ABI3BP: variants seen among roughly 807,000 people sequenced by gnomAD.
The protein encoded by ABI3BP is target of Nesh-SH3.
ABI3BP carries 216 observed loss-of-function variants against 268.6 expected under a neutral mutation model. The ratio of observed to expected loss-of-function variants is 0.80; its 90% confidence interval spans 0.72 to 0.90. The LOEUF (loss-of-function observed/expected upper bound fraction) is 0.90. Ranked by LOEUF, ABI3BP falls within the 40% of genes least tolerant of loss-of-function variation. The pLI is 0.00. For synonymous variants in ABI3BP, 730 were observed against 730.0 expected (o/e 1.00, Z 0.00); for missense variants, 2,090 against 2,182.4 (o/e 0.96, Z 0.84).
At position 100,830,118 on chromosome 3, in the gene ABI3BP, T is replaced by C. The variant is rs1464373810; in HGVS notation, c.2459-454A>G. On this transcript the variant is annotated intron_variant, in intron 32 of 67. Transcript: ENST00000471714. Reference sequence around the variant, plus strand: ...ACATACATACATACATACATATATATATATATATATATATATATATATATA... The same window carrying C: ...ACATACATACATACATACATATATACATATATATATATATATATATATATA... 6.8e-3 allele frequency among the ~76,000 whole-genome samples: 124 copies of C among 18,358 alleles called. 1 individual carries two copies. Among genetic ancestry groups the C allele is most frequent in the Non-Finnish European group, 0.01 (89 of 8,618 alleles). The allele number at this position is 18,358 out of a possible 152,430, so 12.0% of individuals were successfully genotyped here. A position where few individuals can be genotyped will look rare whatever the true frequency, so the allele number is the denominator to read the frequency against.
intron 24 of ABI3BP, among the ~76,000 whole-genome samples, chr3:100,839,026 T>G (rs926683686): frequency 1.5e-4 from 23 of 152,144 alleles, no homozygotes; most frequent in African/African-American, 5.3e-4. Flanking sequence ...GCTGTCAAGT[T>G]CCAAAGACCA....
At chr3:100,927,282 G>A (rs1427335954) in intron 1 of ABI3BP, among the ~76,000 whole-genome samples, 1 of 152,112 alleles carries the variant, frequency 6.6e-6, no homozygotes, top group Non-Finnish European at 1.5e-5. Flanking sequence ...AAATGGTGAG[G>A]AAACACATTG....
Position 100,833,115 on chromosome 3 carries a change from G to A in ABI3BP, c.2314+10C>T. The A allele has an allele frequency of 6.5e-7, 1 of 1,533,854 alleles. No homozygotes were observed. Among genetic ancestry groups the A allele is most frequent in the Non-Finnish European group, 8.7e-7 (1 of 1,145,308 alleles). Reference sequence around the variant, plus strand: ...AAAAGGACTTGCTGAAGGACATAGAGAGTCATTACCTGAAGATGTCCCAGG... The same window carrying A: ...AAAAGGACTTGCTGAAGGACATAGAAAGTCATTACCTGAAGATGTCCCAGG... On this transcript the variant is annotated intron_variant, in intron 30 of 67. Coordinates refer to ENST00000471714, the MANE Select transcript of ABI3BP (RefSeq NM_001375547.2).
chr3:100,861,442 G>T (rs1257691720), intron 14 of ABI3BP, among the ~76,000 whole-genome samples: 2 of 152,050 alleles, frequency 1.3e-5, no homozygotes, highest in African/African-American at 4.8e-5. Flanking sequence ...TATATGATAT[G>T]TACCCCAAAT....
intron 6 of ABI3BP, among the ~76,000 whole-genome samples, chr3:100,880,127 G>T (rs537810408): frequency 6.6e-6 from 1 of 152,242 alleles, no homozygotes; most frequent in Non-Finnish European, 1.5e-5. Flanking sequence ...TTCTAGGCTT[G>T]TTATTACGAA....
At chr3:100,909,569 GAAAAA>G (rs1281128184) in intron 2 of ABI3BP, among the ~76,000 whole-genome samples, 1 of 151,956 alleles carries the variant, frequency 6.6e-6, no homozygotes, top group South Asian at 2.1e-4. Context: ...AAATTTACAA[GAAAAA>G]AAAAACAAAC....
chr3:100,880,183 C>T (rs923378547), intron 6 of ABI3BP, among the ~76,000 whole-genome samples: 1 of 152,128 alleles, frequency 6.6e-6, no homozygotes, highest in African/African-American at 2.4e-5. Flanking sequence ...CAGTGTGGGG[C>T]CTGGAAATGG....
At chr3:100,941,151 G>T (rs550130564) in intron 1 of ABI3BP, among the ~76,000 whole-genome samples, 5 of 151,770 alleles carry the variant, frequency 3.3e-5, no homozygotes, top group African/African-American at 9.7e-5. Context: ...ACTTATACAT[G>T]AACATATGTT....
At chr3:100,961,114 T>C (rs1186540587) in intron 1 of ABI3BP, among the ~76,000 whole-genome samples, 1 of 152,206 alleles carries the variant, frequency 6.6e-6, no homozygotes, top group Non-Finnish European at 1.5e-5. Flanking sequence ...ACTTTATAAA[T>C]AGTAAGGCAC....
At chr3:100,910,216 A>G (rs1204832618) in intron 2 of ABI3BP, among the ~76,000 whole-genome samples, 1 of 152,174 alleles carries the variant, frequency 6.6e-6, no homozygotes, top group Non-Finnish European at 1.5e-5. Context: ...CAATGAGAAC[A>G]CATGGACACA....
intron 1 of ABI3BP, among the ~76,000 whole-genome samples, chr3:100,942,188 T>C (rs1452277274): frequency 6.6e-6 from 1 of 152,094 alleles, no homozygotes; most frequent in Non-Finnish European, 1.5e-5. Flanking sequence ...CTGGACATTC[T>C]AGTACATTGG....
intron 63 of ABI3BP, among the ~76,000 whole-genome samples, chr3:100,757,408 C>G (rs1012014518): frequency 6.6e-6 from 1 of 152,104 alleles, no homozygotes; most frequent in Non-Finnish European, 1.5e-5. Flanking sequence ...AAATAGGTCC[C>G]GTTCAAGGGA....
At chr3:100,794,867 A>C (rs1184200451) in intron 54 of ABI3BP, 56 bp downstream of exon 54, 1 of 1,309,782 alleles carries the variant, frequency 7.6e-7, no homozygotes, top group Admixed American at 2.0e-5. Flanking sequence ...TGGTTACTTT[A>C]AGGGAAATTC....
At chr3:100,770,046 C>T (rs531245265) in intron 62 of ABI3BP, among the ~76,000 whole-genome samples, 1 of 152,316 alleles carries the variant, frequency 6.6e-6, no homozygotes, top group East Asian at 1.9e-4. Flanking sequence ...CTATTCCCTG[C>T]CTGCCTGCAC....
chr3:100,986,319 A>T (rs2091743823), intron 1 of ABI3BP, among the ~76,000 whole-genome samples: 1 of 152,200 alleles, frequency 6.6e-6, no homozygotes, highest in Non-Finnish European at 1.5e-5. Context: ...TCTGGCCAGT[A>T]CCTTCACTGT....
intron 1 of ABI3BP, among the ~76,000 whole-genome samples, chr3:100,959,740 AAGATAATGCT>A (rs1257003442): frequency 6.6e-6 from 1 of 152,164 alleles, no homozygotes; most frequent in Non-Finnish European, 1.5e-5. Flanking sequence ...TTGACTTTAT[AAGATAATGCT>A]AGAGAAATTT....
chr3:100,966,477 T>G (rs1386007741), intron 1 of ABI3BP, among the ~76,000 whole-genome samples: 1 of 152,234 alleles, frequency 6.6e-6, no homozygotes, highest in Non-Finnish European at 1.5e-5. Flanking sequence ...CAAAGCCTAA[T>G]GTATTTACTA....
In ABI3BP at chr3:100,947,403, G is replaced by A. The variant is rs569299080; in HGVS notation, c.80-20922C>T. On this transcript the variant is annotated intron_variant, in intron 1 of 67. Coordinates refer to ENST00000471714, the MANE Select transcript of ABI3BP (RefSeq NM_001375547.2). ...TCGCAAAATCTAACTGAATGAATCC[G>A]TTTGAAAAAAAATCTTCCTGACTTT... Among the ~76,000 whole-genome samples the A allele has an allele frequency of 6.6e-5, 10 of 151,928 alleles. No individual in the cohort carries two copies. The East Asian group carries it at 7.7e-4, about 12-fold the overall frequency.
chr3:100,898,902 G>C lies in ABI3BP; in HGVS notation c.329-8C>G. ...TGCGAGAACGAGTTTTACCTGTGGA[G>C]GTGGCATAGAGGTTAATAATTCAGG... On this transcript the variant is annotated splice_region_variant and splice_polypyrimidine_tract_variant and intron_variant, in intron 3 of 67. Transcript: ENST00000471714. 6.2e-7 allele frequency: 1 copy of C among 1,607,384 alleles called. No individual in the cohort carries two copies. The highest frequency in any genetic ancestry group is 8.5e-7 in the Non-Finnish European group (1 of 1,177,334).
Sources: gnomAD v4.1 joint callset for allele counts (sites outside exome capture counted in the v4.1 genomes callset) on GRCh38, gnomAD v4.1.1 for gene constraint, MANE v1.5 for transcripts, NCBI Gene and HGNC (gene_info 2026-07-23, HGNC 2026-07-21) for gene names.